NKAIN3: variants seen among roughly 807,000 people sequenced by gnomAD.
The protein encoded by NKAIN3 is sodium/potassium-transporting ATPase subunit beta-1-interacting protein 3.
In NKAIN3, 25 loss-of-function variants were observed where a neutral mutation model predicts 30.2. The observed-to-expected ratio is 0.83, with a 90% CI of 0.60 to 1.16. NKAIN3 has a LOEUF of 1.16. NKAIN3 is among the 50% of genes most tolerant of loss of function. NKAIN3 has a pLI of 0.00. For synonymous variants in NKAIN3, 91 were observed against 89.6 expected (o/e 1.02, Z -0.09); for missense variants, 225 against 254.1 (o/e 0.89, Z 0.78).
At chr8:62,592,978 T>A (rs569070517) in intron 3 of NKAIN3, among the ~76,000 whole-genome samples, 55 of 152,058 alleles carry the variant, frequency 3.6e-4, no homozygotes, top group African/African-American at 1.3e-3. Flanking sequence ...AGGGGGAAAT[T>A]GACAAATCCA....
intron 5 of NKAIN3, among the ~76,000 whole-genome samples, chr8:62,919,226 AATTT>A (rs1822199841): frequency 1.1e-5 from 1 of 88,444 alleles, no homozygotes; most frequent in African/African-American, 5.0e-5. Context: ...TTACTTTCAA[AATTT>A]TTTTTTTTTT....
At chr8:62,869,189 C>T (rs957475250) in intron 4 of NKAIN3, among the ~76,000 whole-genome samples, 2 of 152,118 alleles carry the variant, frequency 1.3e-5, no homozygotes, top group African/African-American at 4.8e-5. Flanking sequence ...TACATGTGCT[C>T]AACGTGCAGG....
chr8:62,312,272 A>G (rs1814467697), intron 1 of NKAIN3, among the ~76,000 whole-genome samples: 1 of 150,718 alleles, frequency 6.6e-6, no homozygotes, highest in African/African-American at 2.5e-5. Flanking sequence ...TTAGAGAACA[A>G]TGGAAATAAC....
At chr8:62,402,653 C>T (rs148117645) in intron 1 of NKAIN3, among the ~76,000 whole-genome samples, 174 of 152,280 alleles carry the variant, frequency 1.1e-3, no homozygotes, top group African/African-American at 4.1e-3. Context: ...TGTTTGCTTC[C>T]CCTTCTGCCA....
intron 4 of NKAIN3, among the ~76,000 whole-genome samples, chr8:62,754,738 CTT>C (rs1325225852): frequency 6.6e-6 from 1 of 152,122 alleles, no homozygotes; most frequent in African/African-American, 2.4e-5. Flanking sequence ...TAAATTAAAA[CTT>C]AATAGAGAAG....
chr8:62,826,429 T>C lies in NKAIN3; in HGVS notation c.471+79300T>C, dbSNP rs537259218. Among the ~76,000 whole-genome samples the C allele has an allele frequency of 3.7e-4, 57 of 152,316 alleles. 1 individual carries two copies. The highest frequency in any genetic ancestry group is 1.4e-3 in the African/African-American group (57 of 41,584). The stretch of plus-strand genomic sequence containing the variant: ...TGATCATCATCTCTACTGACTTCTA[T>C]ATTCTCTTTAATTCAGAATTATTAA... On this transcript the variant is annotated intron_variant, in intron 4 of 6. Coordinates refer to ENST00000623646, the MANE Select transcript of NKAIN3 (RefSeq NM_001304533.3).
chr8:62,646,050 T>C (rs1221281450), intron 3 of NKAIN3, among the ~76,000 whole-genome samples: 1 of 151,802 alleles, frequency 6.6e-6, no homozygotes, highest in Non-Finnish European at 1.5e-5. Flanking sequence ...GATGGAGTTA[T>C]TATATTGCAA....
intron 4 of NKAIN3, among the ~76,000 whole-genome samples, chr8:62,896,298 C>T (rs1326650349): frequency 1.3e-5 from 2 of 152,084 alleles, no homozygotes; most frequent in African/African-American, 4.8e-5. Flanking sequence ...GCTCCACCCT[C>T]ATGACCTAAT....
intron 4 of NKAIN3, among the ~76,000 whole-genome samples, chr8:62,819,427 T>C (rs554793684): frequency 2.6e-5 from 4 of 152,096 alleles, no homozygotes; most frequent in East Asian, 3.9e-4. Context: ...GAAATTCCCA[T>C]AATAAAAAGT....
At chr8:62,858,573 G>C (rs1235511458) in intron 4 of NKAIN3, among the ~76,000 whole-genome samples, 2 of 152,194 alleles carry the variant, frequency 1.3e-5, no homozygotes, top group African/African-American at 4.8e-5. Flanking sequence ...GCCCAGCTGG[G>C]AGGTCTCACC....
intron 1 of NKAIN3, among the ~76,000 whole-genome samples, chr8:62,407,401 G>T (rs75234173): frequency 8.2e-4 from 97 of 118,528 alleles, no homozygotes; most frequent in East Asian, 1.5e-3. Context: ...CTAGATAGTT[G>T]TTTTTTTTTT....
chr8:62,853,595 A>G (rs1819975508), intron 4 of NKAIN3, among the ~76,000 whole-genome samples: 1 of 151,860 alleles, frequency 6.6e-6, no homozygotes, highest in Non-Finnish European at 1.5e-5. Context: ...AATCTTCTCT[A>G]TGTTTAGTTT....
intron 5 of NKAIN3, among the ~76,000 whole-genome samples, chr8:62,948,774 A>T (rs1395794773): frequency 1.3e-5 from 2 of 152,214 alleles, no homozygotes; most frequent in Admixed American, 1.3e-4. Flanking sequence ...TGTCTAGATG[A>T]TAAAAGAAGA....
intron 1 of NKAIN3, among the ~76,000 whole-genome samples, chr8:62,449,545 AAAAC>A (rs974740609): frequency 3.7e-4 from 56 of 152,208 alleles, no homozygotes; most frequent in African/African-American, 9.6e-4. Flanking sequence ...GTTCTATCAT[AAAAC>A]AAACAATCAA....
intron 3 of NKAIN3, among the ~76,000 whole-genome samples, chr8:62,671,733 G>A (rs186936542): frequency 5.1e-4 from 78 of 152,122 alleles, no homozygotes; most frequent in Admixed American, 4.8e-3. Flanking sequence ...ATTATTACTG[G>A]GGTTCTGTCT....
chr8:62,584,350 C>T (rs751842656), intron 2 of NKAIN3, among the ~76,000 whole-genome samples: 44 of 152,148 alleles, frequency 2.9e-4, no homozygotes, highest in Non-Finnish European at 2.9e-4. Flanking sequence ...ATTTAATAGA[C>T]CTCTAGTTTT....
chr8:62,716,621 G>T (rs1046223883), intron 3 of NKAIN3, among the ~76,000 whole-genome samples: 1 of 152,084 alleles, frequency 6.6e-6, no homozygotes, highest in African/African-American at 2.4e-5. Context: ...TATTTTTAAA[G>T]TAGGTTAAAA....
intron 1 of NKAIN3, among the ~76,000 whole-genome samples, chr8:62,506,236 G>GA (rs950597614): frequency 6.9e-6 from 1 of 145,542 alleles, no homozygotes; most frequent in Non-Finnish European, 1.5e-5. Flanking sequence ...ATTGGGGGGG[G>GA]GGACATTATT....
chr8:62,954,176 A>T (rs571536726), intron 6 of NKAIN3, among the ~76,000 whole-genome samples: 1 of 152,340 alleles, frequency 6.6e-6, no homozygotes, highest in South Asian at 2.1e-4. Flanking sequence ...GACATGATTT[A>T]TATTTCAAAA....
Sources: gnomAD v4.1 joint callset for allele counts (sites outside exome capture counted in the v4.1 genomes callset) on GRCh38, gnomAD v4.1.1 for gene constraint, MANE v1.5 for transcripts, NCBI Gene and HGNC (gene_info 2026-07-23, HGNC 2026-07-21) for gene names.